Variants in TMEM135 observed in about 807,000 individuals in gnomAD.
TMEM135 encodes peroxisomal membrane protein 52.
TMEM135 carries 30 observed loss-of-function variants against 60.3 expected under a neutral mutation model. The observed-to-expected ratio is 0.50, with a 90% CI of 0.37 to 0.68. TMEM135 has a LOEUF of 0.68. TMEM135 is among the 30% of genes least tolerant of loss of function. The pLI is 0.00. For missense variants in TMEM135, 468 were observed against 548.8 expected (o/e 0.85, Z 1.47); for synonymous variants, 190 against 186.7 (o/e 1.02, Z -0.14).
intron 5 of TMEM135, among the ~76,000 whole-genome samples, chr11:87,234,305 C>T (rs1940948660): frequency 1.3e-5 from 2 of 152,036 alleles, no homozygotes; most frequent in Non-Finnish European, 1.5e-5. Context: ...TATTCTCTCA[C>T]CTGGCTAGAA....
intron 6 of TMEM135, among the ~76,000 whole-genome samples, chr11:87,264,787 T>A (rs1308640448): frequency 6.6e-6 from 1 of 151,920 alleles, no homozygotes; most frequent in Non-Finnish European, 1.5e-5. Flanking sequence ...ATTCTTTGTT[T>A]ATTAGCTTTA....
chr11:87,265,965 C>T (rs1336735917), intron 6 of TMEM135, among the ~76,000 whole-genome samples: 1 of 152,054 alleles, frequency 6.6e-6, no homozygotes, highest in Non-Finnish European at 1.5e-5. Context: ...ATCTATTAGC[C>T]TTACAGCTAA....
At chr11:87,263,905 A>ATTTT (rs1941700154) in intron 6 of TMEM135, among the ~76,000 whole-genome samples, 1 of 152,072 alleles carries the variant, frequency 6.6e-6, no homozygotes, top group African/African-American at 2.4e-5. Context: ...AAATAGACCC[A>ATTTT]GTATTATTTT....
Position 87,315,964 on chromosome 11 carries a change from G to A in TMEM135, c.1077+1417G>A, listed in dbSNP as rs1942721455. On this transcript the variant is annotated intron_variant, in intron 12 of 14. Transcript: ENST00000305494. Reference sequence around the variant, plus strand: ...ATCTTTGATAGCTTTCTTGCTGTAAGACAATATATTCCGGGCTCATCTGGG... The same window carrying A: ...ATCTTTGATAGCTTTCTTGCTGTAAAACAATATATTCCGGGCTCATCTGGG... Among the ~76,000 whole-genome samples, 5 of 152,004 alleles carry A rather than the reference G, an allele frequency of 3.3e-5. 1 individual carries two copies. In the South Asian group the frequency reaches 1.0e-3, roughly 32 times the overall value.
chr11:87,261,638 CT>C (rs890903180), intron 6 of TMEM135, among the ~76,000 whole-genome samples: 2 of 151,136 alleles, frequency 1.3e-5, no homozygotes, highest in African/African-American at 2.4e-5. Context: ...TTCTAGAATT[CT>C]TTTTTTTTGA....
chr11:87,145,208 T>C lies in TMEM135; in HGVS notation c.397-12133T>C, dbSNP rs191875560. ...TATTTGTCTTTCTGGGTACGACTTATACAGCATAATGTTCTCCAGTTTCAT... is the reference window on the plus strand; with the variant it reads ...TATTTGTCTTTCTGGGTACGACTTACACAGCATAATGTTCTCCAGTTTCAT... On this transcript the variant is annotated intron_variant, in intron 4 of 14. Transcript: ENST00000305494. Among the ~76,000 whole-genome samples the C allele has an allele frequency of 7.2e-5, 11 of 152,336 alleles. No homozygotes were observed. The East Asian group carries it at 1.9e-3, about 27-fold the overall frequency.
chr11:87,272,266 G>T (rs533493041), intron 6 of TMEM135, among the ~76,000 whole-genome samples: 1 of 151,730 alleles, frequency 6.6e-6, no homozygotes, highest in East Asian at 2.0e-4. Flanking sequence ...AGGTTGGTCA[G>T]ACTGGTCTCA....
intron 5 of TMEM135, among the ~76,000 whole-genome samples, chr11:87,220,145 C>T (rs1209615874): frequency 6.6e-6 from 1 of 152,148 alleles, no homozygotes; most frequent in Non-Finnish European, 1.5e-5. Context: ...TGGCTCCTAA[C>T]TTGATTAAGA....
At chr11:87,038,319 T>TGGGGGGGTGGGGGTGTTTG in intron 1 of TMEM135, 133 bp downstream of exon 1, 1 of 229,316 alleles carries the variant, frequency 4.4e-6, no homozygotes. Context: ...CGGAGTGTTT[T>TGGGGGGGTGGGGGTGTTTG]GGGGGGTCGG....
In TMEM135 at chr11:87,213,057, T is replaced by A. The variant is rs1237183609; in HGVS notation, c.463-23581T>A. On this transcript the variant is annotated intron_variant, in intron 5 of 14. Coordinates refer to ENST00000305494, the MANE Select transcript of TMEM135 (RefSeq NM_022918.4). ...TAAATCTTGTGATTATAATCTGGGT[T>A]CTTATGGAGCTTACATTCCAAAGAG... is the stretch of plus-strand genomic sequence containing the variant. Among the ~76,000 whole-genome samples, 4 of 152,178 alleles carry A rather than the reference T, an allele frequency of 2.6e-5. No individual in the cohort carries two copies. In the East Asian group the frequency reaches 7.7e-4, roughly 29 times the overall value.
intron 5 of TMEM135, among the ~76,000 whole-genome samples, chr11:87,161,267 G>T (rs1336284655): frequency 6.6e-6 from 1 of 152,088 alleles, no homozygotes; most frequent in East Asian, 1.9e-4. Flanking sequence ...TAAAATTAAT[G>T]AATGAACTGC....
intron 7 of TMEM135, among the ~76,000 whole-genome samples, chr11:87,296,656 A>T (rs1942352747): frequency 6.6e-6 from 1 of 152,210 alleles, no homozygotes; most frequent in Non-Finnish European, 1.5e-5. Context: ...GGATCAAATG[A>T]GTCAATATGT....
At chr11:87,240,205 A>C (rs1391555182) in intron 6 of TMEM135, among the ~76,000 whole-genome samples, 1 of 152,202 alleles carries the variant, frequency 6.6e-6, no homozygotes, top group East Asian at 1.9e-4. Context: ...ACTGGATTAC[A>C]AGGGAAGGTG....
At chr11:87,317,914 A>G (rs1259790181) in intron 12 of TMEM135, among the ~76,000 whole-genome samples, 2 of 152,174 alleles carry the variant, frequency 1.3e-5, no homozygotes, top group Non-Finnish European at 2.9e-5. Flanking sequence ...ATGCTACTGA[A>G]TTTACAGAAA....
intron 5 of TMEM135, among the ~76,000 whole-genome samples, chr11:87,166,386 A>G (rs545787313): frequency 6.6e-5 from 10 of 151,806 alleles, no homozygotes; most frequent in African/African-American, 1.9e-4. Flanking sequence ...GCCCATGGCT[A>G]TGTCCTGAAT....
In TMEM135 at chr11:87,274,786, CTGTGTGTGTGTGTG is replaced by C. The variant is rs10655114; in HGVS notation, c.510-20966_510-20953del. Among the ~76,000 whole-genome samples, 609 of 129,288 alleles carry C rather than the reference CTGTGTGTGTGTGTG, an allele frequency of 4.7e-3. 7 individuals are homozygous for C. The highest frequency in any genetic ancestry group is 0.015 in the African/African-American group (515 of 33,650). The allele number at this position is 129,288 out of a possible 152,430, so 84.8% of individuals were successfully genotyped here. A position where few individuals can be genotyped will look rare whatever the true frequency, so the allele number is the denominator to read the frequency against. The stretch of plus-strand genomic sequence containing the variant: ...AACCAGCCTGGGCAACATAGCAAGA[CTGTGTGTGTGTGTG>C]TGTGTGTGTGTGTGTGTGTGTGTGT... On this transcript the variant is annotated intron_variant, in intron 6 of 14. Transcript: ENST00000305494.
At chr11:87,093,084 T>A (rs923143189) in intron 4 of TMEM135, among the ~76,000 whole-genome samples, 1 of 152,338 alleles carries the variant, frequency 6.6e-6, no homozygotes, top group East Asian at 1.9e-4. Flanking sequence ...ATGTTAAACA[T>A]TGTTATGTCC....
At chr11:87,301,298 G>C (rs531475715) in intron 7 of TMEM135, among the ~76,000 whole-genome samples, 2 of 152,024 alleles carry the variant, frequency 1.3e-5, no homozygotes, top group East Asian at 3.9e-4. Flanking sequence ...GTATTGCCTA[G>C]GCTGAAGTGC....
chr11:87,248,411 A>G (rs528374157), intron 6 of TMEM135, among the ~76,000 whole-genome samples: 6 of 152,224 alleles, frequency 3.9e-5, no homozygotes, highest in East Asian at 1.9e-4. Context: ...GGGTGAGATG[A>G]TATCTCATTG....
Sources: allele counts gnomAD v4.1 joint callset (sites outside exome capture counted in the v4.1 genomes callset), GRCh38; gene constraint gnomAD v4.1.1; transcripts MANE v1.5; gene names NCBI Gene and HGNC (gene_info 2026-07-23, HGNC 2026-07-21).